ROBO1: variants seen among roughly 807,000 people sequenced by gnomAD.
ROBO1 encodes the protein roundabout homolog 1.
ROBO1 carries 149 observed loss-of-function variants against 195.9 expected under a neutral mutation model. The observed-to-expected ratio is 0.76, with a 90% CI of 0.67 to 0.87. The LOEUF (loss-of-function observed/expected upper bound fraction) is 0.87. Ranked by LOEUF, ROBO1 falls within the 40% of genes least tolerant of loss-of-function variation. ROBO1 has a pLI of 0.00. For synonymous variants in ROBO1, 816 were observed against 733.2 expected (o/e 1.11, Z -1.82); for missense variants, 1,933 against 2,068.3 (o/e 0.93, Z 1.27).
intron 14 of ROBO1, among the ~76,000 whole-genome samples, chr3:78,666,843 T>C (rs1707766134): frequency 6.6e-6 from 1 of 152,240 alleles, no homozygotes; most frequent in African/African-American, 2.4e-5. Context: ...CTCAGTCATC[T>C]TGTGTATAAC....
At chr3:79,632,921 C>A (rs1488460483) in intron 1 of ROBO1, among the ~76,000 whole-genome samples, 1 of 151,628 alleles carries the variant, frequency 6.6e-6, no homozygotes, top group African/African-American at 2.4e-5. Flanking sequence ...TCTTCCAGTG[C>A]AGTAATAAGA....
At chr3:78,716,368 C>T (rs2081902815) in intron 7 of ROBO1, among the ~76,000 whole-genome samples, 1 of 151,898 alleles carries the variant, frequency 6.6e-6, no homozygotes, top group African/African-American at 2.4e-5. Flanking sequence ...CACCTCTTCA[C>T]AGGGCGACAG....
chr3:79,666,231 TA>T (rs1946472433), intron 1 of ROBO1, among the ~76,000 whole-genome samples: 1 of 151,850 alleles, frequency 6.6e-6, no homozygotes, highest in South Asian at 2.1e-4. Flanking sequence ...AAAAGCAAGC[TA>T]AAAAGAATCC....
intron 4 of ROBO1, among the ~76,000 whole-genome samples, chr3:78,931,689 G>A (rs2039541701): frequency 1.3e-5 from 2 of 152,264 alleles, no homozygotes; most frequent in Admixed American, 6.5e-5. Context: ...AAATTGTCCA[G>A]GTACAGTGGC....
intron 2 of ROBO1, among the ~76,000 whole-genome samples, chr3:79,375,320 T>A (rs2036341709): frequency 6.6e-6 from 1 of 151,962 alleles, no homozygotes; most frequent in Non-Finnish European, 1.5e-5. Flanking sequence ...AAAAACTGAG[T>A]CTACTATGGC....
intron 2 of ROBO1, among the ~76,000 whole-genome samples, chr3:79,495,677 G>T (rs1405231877): frequency 1.3e-5 from 2 of 152,214 alleles, no homozygotes; most frequent in African/African-American, 4.8e-5. Context: ...CGGTTAAAAT[G>T]ATACTTTCCA....
At chr3:79,283,045 C>T (rs563293066) in intron 2 of ROBO1, among the ~76,000 whole-genome samples, 1 of 152,226 alleles carries the variant, frequency 6.6e-6, no homozygotes, top group African/African-American at 2.4e-5. Flanking sequence ...TGAACATGTG[C>T]TTATTTGTAT....
intron 3 of ROBO1, among the ~76,000 whole-genome samples, chr3:79,072,559 CTA>C (rs371148451): frequency 2.3e-4 from 35 of 152,002 alleles, no homozygotes; most frequent in African/African-American, 7.9e-4. Flanking sequence ...ATGAGTTAGA[CTA>C]TGTCATTCAC....
intron 4 of ROBO1, among the ~76,000 whole-genome samples, chr3:78,808,401 C>CACT (rs2084618189): frequency 7.2e-5 from 11 of 151,964 alleles, no homozygotes; most frequent in Admixed American, 7.2e-4. Flanking sequence ...GACAGGGTTT[C>CACT]ACCATGTTGA....
intron 2 of ROBO1, among the ~76,000 whole-genome samples, chr3:79,261,794 C>T (rs1338487171): frequency 2.0e-5 from 3 of 151,926 alleles, no homozygotes; most frequent in Non-Finnish European, 4.4e-5. Context: ...AAGTCAAATA[C>T]TATTTAATTT....
intron 2 of ROBO1, among the ~76,000 whole-genome samples, chr3:79,234,169 T>G (rs1576851436): frequency 1.3e-5 from 2 of 152,168 alleles, no homozygotes; most frequent in Non-Finnish European, 2.9e-5. Context: ...TGTTTTGTTG[T>G]GCAGAAGCAC....
At chr3:78,878,126 T>C (rs187190719) in intron 4 of ROBO1, among the ~76,000 whole-genome samples, 192 of 152,132 alleles carry the variant, frequency 1.3e-3, no homozygotes, top group African/African-American at 4.5e-3. Flanking sequence ...TTGTTTAAAA[T>C]ACCAAGAACC....
At chr3:79,088,482 G>A (rs1257881809) in intron 3 of ROBO1, among the ~76,000 whole-genome samples, 1 of 152,020 alleles carries the variant, frequency 6.6e-6, no homozygotes, top group Non-Finnish European at 1.5e-5. Flanking sequence ...AAATATGCAA[G>A]TTTAAATTGT....
chr3:79,510,802 A>G (rs1428033859), intron 2 of ROBO1, among the ~76,000 whole-genome samples: 6 of 152,148 alleles, frequency 3.9e-5, no homozygotes, highest in Non-Finnish European at 8.8e-5. Context: ...GGGATACTGT[A>G]TTCTGACATT....
At chr3:79,560,984 C>A (rs1405410143) in intron 2 of ROBO1, among the ~76,000 whole-genome samples, 1 of 152,014 alleles carries the variant, frequency 6.6e-6, no homozygotes, top group African/African-American at 2.4e-5. Context: ...TTTTTCCCAA[C>A]CGATATTTGA....
chr3:79,602,824 T>C (rs937115764), intron 1 of ROBO1, among the ~76,000 whole-genome samples: 2 of 151,986 alleles, frequency 1.3e-5, no homozygotes, highest in African/African-American at 2.4e-5. Context: ...TCTGTAGAAA[T>C]TCCAGGCAGT....
intron 1 of ROBO1, among the ~76,000 whole-genome samples, chr3:79,699,440 A>T (rs757973126): frequency 6.6e-6 from 1 of 151,564 alleles, no homozygotes; most frequent in African/African-American, 2.4e-5. Context: ...ATACAATAAC[A>T]TTCTAAATCA....
intron 2 of ROBO1, among the ~76,000 whole-genome samples, chr3:79,576,700 G>A (rs1028302917): frequency 2.6e-5 from 4 of 152,082 alleles, no homozygotes; most frequent in Admixed American, 1.3e-4. Flanking sequence ...CACACTTGGT[G>A]AAAGCTTACA....
rs1943941424 is a variant in ROBO1 at position 79,589,824 on chromosome 3, C to G, written c.88G>C (p.Asp30His). 6.2e-7 allele frequency: 1 copy of G among 1,609,362 alleles called. No individual in the cohort carries two copies. Among genetic ancestry groups the G allele is most frequent in the Non-Finnish European group, 8.5e-7 (1 of 1,176,664 alleles). Residue 30 changes from aspartate to histidine, a missense_variant and splice_region_variant, in exon 2 of 31, where the codon GAC becomes CAC. By Grantham distance (81) the Asp-to-His change is moderately conservative. Around this residue, in one of 3 missense-constraint regions of ROBO1, gnomAD observed 185 missense variants for 159.5 expected, o/e 1.16. Transcript: ENST00000464233. Reference protein sequence around the residue: ...NHLFLAQLIPDPEDVERGNDH... With the variant: ...NHLFLAQLIPHPEDVERGNDH... ...GATGAAACAAATGCACAGCACTTACCTGGAATAAGCTGGGCCAGAAACAGG... is the reference window on the plus strand; with the variant it reads ...GATGAAACAAATGCACAGCACTTACGTGGAATAAGCTGGGCCAGAAACAGG...
Sources: allele counts gnomAD v4.1 joint callset (sites outside exome capture counted in the v4.1 genomes callset), GRCh38; gene constraint gnomAD v4.1.1; regional missense constraint gnomAD v4.1.1; transcripts MANE v1.5; gene names NCBI Gene and HGNC (gene_info 2026-07-23, HGNC 2026-07-21).